ICA1: variants seen among roughly 807,000 people sequenced by gnomAD.
ICA1 encodes the protein 69 kDa islet cell autoantigen.
ICA1 carries 40 observed loss-of-function variants against 71.0 expected under a neutral mutation model. That is an observed-to-expected ratio of 0.56 (90% CI 0.44 to 0.73). ICA1 has a LOEUF of 0.73. Ranked by LOEUF, ICA1 falls within the 30% of genes least tolerant of loss-of-function variation. The pLI is 0.00. For missense variants in ICA1, 578 were observed against 576.5 expected (o/e 1.00, Z -0.03); for synonymous variants, 207 against 209.5 (o/e 0.99, Z 0.10).
intron 9 of ICA1, 114 bp from the exon 10 acceptor site, chr7:8,141,931 ACACG>A: frequency 5.1e-6 from 7 of 1,376,212 alleles, no homozygotes; most frequent in Non-Finnish European, 5.0e-6. Flanking sequence ...TACACCACAC[ACACG>A]CACACGAAGA....
At position 8,113,206 on chromosome 7, in the gene ICA1, TGTTTA is replaced by T. The variant is rs1783726344; in HGVS notation, c.*712_*716del. The T allele has an allele frequency of 8.0e-6, 1 of 124,840 alleles. No homozygotes were observed. Among genetic ancestry groups the T allele is most frequent in the African/African-American group, 2.6e-5 (1 of 38,614 alleles). The allele number at this position is 124,840 out of a possible 1,614,324, so 7.7% of individuals were successfully genotyped here. On this transcript the variant is annotated 3_prime_UTR_variant, in exon 14 of 14. Coordinates refer to ENST00000402384, the MANE Select transcript of ICA1 (RefSeq NM_001136020.3). This position sits in a 1 kb window ranked among gnomAD's most constrained non-coding sequence, Gnocchi z 4.2. Reference sequence around the variant, plus strand: ...GACTTTGCATGTCAAATATCTTTTCTGTTTAATTAAAAAAAAAAAAAAAACAATGT... The same window carrying T: ...GACTTTGCATGTCAAATATCTTTTCTATTAAAAAAAAAAAAAAAACAATGT...
chr7:8,216,728 C>T (rs1425679171), intron 6 of ICA1, among the ~76,000 whole-genome samples: 1 of 152,074 alleles, frequency 6.6e-6, no homozygotes, highest in East Asian at 1.9e-4. Flanking sequence ...AGGCCTTTTT[C>T]AATTTTAGGT....
At chr7:8,169,096 A>C (rs1468526738) in intron 6 of ICA1, among the ~76,000 whole-genome samples, 1 of 152,104 alleles carries the variant, frequency 6.6e-6, no homozygotes, top group Non-Finnish European at 1.5e-5. Context: ...GTTTCATATA[A>C]ATAGAATTAT....
intron 1 of ICA1, among the ~76,000 whole-genome samples, chr7:8,250,099 C>T (rs1014713202): frequency 2.0e-5 from 3 of 152,148 alleles, no homozygotes; most frequent in Admixed American, 2.0e-4. Flanking sequence ...ACTGATTTGT[C>T]AGAGGTTTTA....
rs1319190373 is a variant in ICA1 at position 8,234,804 on chromosome 7, G to T, written c.17+1106C>A. ...TCTCTATAGAATATGCACATTAAAA[G>T]GTTGGAAGGATACACTCCAAAGACT... On this transcript the variant is annotated intron_variant, in intron 2 of 13. Coordinates refer to ENST00000402384, the MANE Select transcript of ICA1 (RefSeq NM_001136020.3). The surrounding 1 kb of genome is among the most constrained non-coding windows in gnomAD (Gnocchi z 4.5). 6.6e-5 allele frequency among the ~76,000 whole-genome samples: 10 copies of T among 152,134 alleles called. No individual in the cohort carries two copies. The highest frequency in any genetic ancestry group is 3.9e-4 in the Admixed American group (6 of 15,276).
intron 1 of ICA1, among the ~76,000 whole-genome samples, chr7:8,248,731 GAAAGA>G (rs1343910648): frequency 5.9e-5 from 9 of 152,186 alleles, no homozygotes; most frequent in African/African-American, 1.7e-4. Context: ...TCAACCTCTC[GAAAGA>G]AAAGAAAATA....
At chr7:8,121,839 G>A (rs1239911016) in intron 13 of ICA1, among the ~76,000 whole-genome samples, 1 of 152,174 alleles carries the variant, frequency 6.6e-6, no homozygotes, top group Non-Finnish European at 1.5e-5. Flanking sequence ...ATTACACATT[G>A]CACGCCTGTA....
At chr7:8,242,368 G>A (rs940240748) in intron 1 of ICA1, among the ~76,000 whole-genome samples, 18 of 152,140 alleles carry the variant, frequency 1.2e-4, no homozygotes, top group African/African-American at 4.3e-4. Context: ...TGAAACCAAA[G>A]AGAACAAAGA....
In ICA1 at chr7:8,113,943, GTTCT is replaced by G; in HGVS notation, c.1428_1431del (p.Lys476AsnfsTer31). On this transcript the variant is annotated frameshift_variant, in exon 14 of 14. Transcript: ENST00000402384. LOFTEE classifies it high-confidence loss of function. The surrounding 1 kb of genome is among the most constrained non-coding windows in gnomAD (Gnocchi z 4.2). ...CAGATTCATGCATTGAGCAATTCGT[GTTCT>G]TTATCGGTTTTCCCAACAGCATCAG... 3 of 1,614,184 alleles carry G rather than the reference GTTCT, an allele frequency of 1.9e-6. No individual in the cohort carries two copies. The highest frequency in any genetic ancestry group is 2.5e-6 in the Non-Finnish European group (3 of 1,180,008).
At chr7:8,161,707 C>T (rs1456627612) in intron 6 of ICA1, among the ~76,000 whole-genome samples, 2 of 152,088 alleles carry the variant, frequency 1.3e-5, no homozygotes, top group East Asian at 1.9e-4. Context: ...AGTCTTTGAC[C>T]AGCTGACTCT....
intron 6 of ICA1, among the ~76,000 whole-genome samples, chr7:8,203,335 TA>T (rs36093547): frequency 4.3e-4 from 65 of 151,642 alleles, no homozygotes; most frequent in Non-Finnish European, 8.1e-4. Context: ...CATATTCTAT[TA>T]AAAAAAAAGT....
intron 1 of ICA1, among the ~76,000 whole-genome samples, chr7:8,261,339 G>A (rs1183068820): frequency 6.6e-6 from 1 of 152,190 alleles, no homozygotes; most frequent in African/African-American, 2.4e-5. Flanking sequence ...CCGCTTTGGG[G>A]GAAAGGCAGA....
chr7:8,117,772 C>T (rs1785247998), intron 13 of ICA1, among the ~76,000 whole-genome samples: 1 of 152,216 alleles, frequency 6.6e-6, no homozygotes, highest in Non-Finnish European at 1.5e-5. Flanking sequence ...AAGGCGAGTT[C>T]AGATGGGGCA....
At chr7:8,249,393 T>C (rs894476468) in intron 1 of ICA1, among the ~76,000 whole-genome samples, 2 of 152,020 alleles carry the variant, frequency 1.3e-5, no homozygotes. Context: ...TTGTGCATTA[T>C]AATTTAAAGA....
chr7:8,115,936 C>A (rs1405192718), intron 13 of ICA1, among the ~76,000 whole-genome samples: 1 of 152,200 alleles, frequency 6.6e-6, no homozygotes, highest in Non-Finnish European at 1.5e-5. Context: ...AATAGCAAAC[C>A]TCAGAGGCCT....
At chr7:8,238,121 ATC>A (rs1563148129) in intron 1 of ICA1, among the ~76,000 whole-genome samples, 1 of 152,214 alleles carries the variant, frequency 6.6e-6, no homozygotes, top group East Asian at 1.9e-4. Flanking sequence ...GTCTTAATGT[ATC>A]TCTCTGAGAT....
intron 6 of ICA1, among the ~76,000 whole-genome samples, chr7:8,167,542 A>T (rs1806499805): frequency 6.6e-6 from 1 of 152,144 alleles, no homozygotes; most frequent in South Asian, 2.1e-4. Flanking sequence ...CTTATTTCCT[A>T]AGTGACAAAA....
chr7:8,254,570 G>C (rs1653211414), intron 1 of ICA1, among the ~76,000 whole-genome samples: 1 of 150,248 alleles, frequency 6.7e-6, no homozygotes, highest in African/African-American at 2.5e-5. Context: ...ACTTTCTCAG[G>C]AAATAAACAG....
At chr7:8,227,068 C>T (rs1798812950) in intron 4 of ICA1, among the ~76,000 whole-genome samples, 1 of 152,138 alleles carries the variant, frequency 6.6e-6, no homozygotes, top group African/African-American at 2.4e-5. Context: ...AATAAAGTTA[C>T]AATTTTCTAA....
Sources: allele counts gnomAD v4.1 joint callset (sites outside exome capture counted in the v4.1 genomes callset), GRCh38; gene constraint gnomAD v4.1.1; non-coding constraint Gnocchi (gnomAD v3.1); transcripts MANE v1.5; gene names NCBI Gene and HGNC (gene_info 2026-07-23, HGNC 2026-07-21).